The following BCKDHA variants were observed in gnomAD, a reference collection of about 807,000 sequenced individuals.
BCKDHA encodes branched chain keto acid dehydrogenase E1 subunit alpha, also known as 2-oxoisovalerate dehydrogenase subunit alpha, mitochondrial.
BCKDHA carries 43 observed loss-of-function variants against 52.2 expected under a neutral mutation model. That is an observed-to-expected ratio of 0.82 (90% CI 0.64 to 1.06). The LOEUF is 1.06. Among genes scored for constraint, BCKDHA ranks in the 50% least tolerant of loss-of-function variants. The pLI is 0.00. For missense variants in BCKDHA, 527 were observed against 621.3 expected (o/e 0.85, Z 1.61); for synonymous variants, 234 against 247.9 (o/e 0.94, Z 0.53).
At chr19:41,406,924 C>CA (rs2039199764) in intron 1 of BCKDHA, among the ~76,000 whole-genome samples, 2 of 152,104 alleles carry the variant, frequency 1.3e-5, no homozygotes, top group African/African-American at 4.8e-5. Context: ...AGGCTGGACT[C>CA]ACTATGTTGC....
chr19:41,420,193 T>C (rs166925), intron 5 of BCKDHA, among the ~76,000 whole-genome samples: 99,913 of 152,154 alleles, frequency 0.66, 33,866 homozygotes, highest in African/African-American at 0.82. Flanking sequence ...ACCACATGCC[T>C]ACTGCATTTG....
At position 41,423,083 on chromosome 19, in the gene BCKDHA, A is replaced by C. The variant is rs61736656; in HGVS notation, c.1081A>C (p.Ile361Leu). ...TTACTGGGATAAACAGGACCACCCC[A>C]TCTCCCGGCTGCGGCACTATCTGCT... Reference protein sequence around the residue: ...VNYWDKQDHPISRLRHYLLSQ... With the variant: ...VNYWDKQDHPLSRLRHYLLSQ... Residue 361 changes from isoleucine (I) to leucine (L), a missense_variant, in exon 8 of 9, where the codon ATC becomes CTC. Coordinates refer to ENST00000269980, the MANE Select transcript of BCKDHA (RefSeq NM_000709.4). 6.3e-7 allele frequency: 1 copy of C among 1,582,178 alleles called. No homozygotes were observed. Among genetic ancestry groups the C allele is most frequent in the South Asian group, 1.2e-5 (1 of 86,786 alleles).
intron 1 of BCKDHA, chr19:41,399,452 G>A (rs1240402982): frequency 6.6e-6 from 1 of 151,528 alleles, no homozygotes; most frequent in Non-Finnish European, 1.5e-5. Flanking sequence ...GCTAGGGAAA[G>A]GTCATTTATG....
intron 3 of BCKDHA, among the ~76,000 whole-genome samples, chr19:41,411,871 C>T (rs766992398): frequency 1.3e-5 from 2 of 152,168 alleles, no homozygotes; most frequent in Admixed American, 6.5e-5. Context: ...TACTCAGCAC[C>T]GCCCACTCAC....
At position 41,412,380 on chromosome 19, in the gene BCKDHA, C is replaced by CTTTTTTTTTTTTTTT. The variant is rs530972813; in HGVS notation, c.375+1375_375+1389dup. Among the ~76,000 whole-genome samples the CTTTTTTTTTTTTTTT allele has an allele frequency of 6.8e-4, 45 of 65,852 alleles. 4 individuals carry two copies. The highest frequency in any genetic ancestry group is 2.0e-3 in the African/African-American group (35 of 17,628). 43.2% of individuals were successfully genotyped at this position (65,852 alleles called of 152,430 possible). A position where few individuals can be genotyped will look rare whatever the true frequency, so the allele number is the denominator to read the frequency against. On this transcript the variant is annotated intron_variant, in intron 3 of 8. Coordinates refer to ENST00000269980, the MANE Select transcript of BCKDHA (RefSeq NM_000709.4). ...TCATTCCCTCTGTCTGTAGATATTTCTTTTTTTTTTTTTTTTTTACTTTTG... is the reference window on the plus strand; with the variant it reads ...TCATTCCCTCTGTCTGTAGATATTTCTTTTTTTTTTTTTTTTTTTTTTTTTTTTTTTTTACTTTTG...
At chr19:41,417,711 G>A (rs2039320102) in intron 4 of BCKDHA, among the ~76,000 whole-genome samples, 1 of 152,064 alleles carries the variant, frequency 6.6e-6, no homozygotes, top group Non-Finnish European at 1.5e-5. Flanking sequence ...GATCACCTGA[G>A]GTCGGGAGTT....
At chr19:41,409,578 A>G (rs2039229328) in intron 1 of BCKDHA, among the ~76,000 whole-genome samples, 1 of 152,048 alleles carries the variant, frequency 6.6e-6, no homozygotes, top group Non-Finnish European at 1.5e-5. Context: ...CGATAGGGAA[A>G]GAGACCTTCT....
At position 41,414,112 on chromosome 19, in the gene BCKDHA, G is replaced by T. The variant is rs753231061; in HGVS notation, c.439G>T (p.Ala147Ser). Residue 147 changes from alanine to serine, a missense_variant, in exon 4 of 9, where the codon GCC becomes TCC. Ala to Ser is a moderately conservative substitution (Grantham distance 99). Coordinates refer to ENST00000269980, the MANE Select transcript of BCKDHA (RefSeq NM_000709.4). Reference sequence around the variant, plus strand: ...GGGCACGCACGTGGGGAGTGCCGCCGCCCTGGACAACACGGACCTGGTGTT... The same window carrying T: ...GGGCACGCACGTGGGGAGTGCCGCCTCCCTGGACAACACGGACCTGGTGTT... ...EEGTHVGSAAALDNTDLVFGQ... is the reference protein window; with the variant it reads ...EEGTHVGSAASLDNTDLVFGQ... 2 of 1,613,702 alleles carry T rather than the reference G, an allele frequency of 1.2e-6. No individual in the cohort carries two copies. The highest frequency in any genetic ancestry group is 1.7e-6 in the Non-Finnish European group (2 of 1,180,028).
At chr19:41,423,451 T>C (rs1239761805) in intron 8 of BCKDHA, among the ~76,000 whole-genome samples, 1 of 152,190 alleles carries the variant, frequency 6.6e-6, no homozygotes, top group Non-Finnish European at 1.5e-5. Context: ...TCCCAGCACT[T>C]TGGGAGGCCG....
chr19:41,410,561 C>G, intron 1 of BCKDHA, 76 bp from the exon 2 acceptor site: 1 of 1,550,334 alleles, frequency 6.5e-7, no homozygotes, highest in Non-Finnish European at 8.8e-7. Context: ...TGCCGCCTGC[C>G]TGCCGCCGGG....
chr19:41,403,657 G>T (rs2039161120), intron 1 of BCKDHA, among the ~76,000 whole-genome samples: 1 of 152,160 alleles, frequency 6.6e-6, no homozygotes, highest in Non-Finnish European at 1.5e-5. Context: ...TCTGATGCTG[G>T]TGCTTCCTGG....
Position 41,410,832 on chromosome 19 carries a change from C to T in BCKDHA, c.288+16C>T, listed in dbSNP as rs1183795892. 6 of 1,613,984 alleles carry T rather than the reference C, an allele frequency of 3.7e-6. No individual in the cohort carries two copies. The Admixed American group carries it at 8.3e-5, about 22-fold the overall frequency. On this transcript the variant is annotated intron_variant, in intron 2 of 8. Coordinates refer to ENST00000269980, the MANE Select transcript of BCKDHA (RefSeq NM_000709.4). Reference sequence around the variant, plus strand: ...GGACCCCCACGTGAGAGGCGGCCTCCCCCACTTCCCGTGCCCCCCACGCCC... The same window carrying T: ...GGACCCCCACGTGAGAGGCGGCCTCTCCCACTTCCCGTGCCCCCCACGCCC...
Position 41,410,716 on chromosome 19 carries a change from A to G in BCKDHA, c.188A>G (p.Asp63Gly). Residue 63 changes from aspartate to glycine, a missense_variant, in exon 2 of 9, where the codon GAT becomes GGT. Transcript: ENST00000269980. The part of the protein sequence containing the change: ...QFPGASAEFI[D>G]KLEFIQPNVI... ...CCAGGGGCCTCGGCGGAGTTTATAG[A>G]TAAGTTGGAATTCATCCAGCCCAAC... is the stretch of plus-strand genomic sequence containing the variant. The G allele has an allele frequency of 3.1e-6, 5 of 1,614,082 alleles. No individual in the cohort carries two copies. Among genetic ancestry groups the G allele is most frequent in the Non-Finnish European group, 3.4e-6 (4 of 1,180,012 alleles).
Position 41,424,436 on chromosome 19 carries a change from A to G in BCKDHA, c.1168-2A>G, listed in dbSNP as rs1555767285. 3 of 1,613,998 alleles carry G rather than the reference A, an allele frequency of 1.9e-6. No homozygotes were observed. Among genetic ancestry groups the G allele is most frequent in the Non-Finnish European group, 2.5e-6 (3 of 1,180,028 alleles). The stretch of plus-strand genomic sequence containing the variant: ...CCTGCCCACTGCCCCATGTCCCCAC[A>G]GGTGATGGAGGCCTTTGAGCAGGCC... On this transcript the variant is annotated splice_acceptor_variant, in intron 8 of 8. Coordinates refer to ENST00000269980, the MANE Select transcript of BCKDHA (RefSeq NM_000709.4). LOFTEE classifies it high-confidence loss of function.
chr19:41,414,210 GT>G, intron 4 of BCKDHA, 53 bp downstream of exon 4: 1 of 1,516,918 alleles, frequency 6.6e-7, no homozygotes, highest in Non-Finnish European at 9.1e-7. Flanking sequence ...GTACACTTTA[GT>G]TTTTCTGAGT....
chr19:41,405,613 C>T (rs887439019), intron 1 of BCKDHA, among the ~76,000 whole-genome samples: 4 of 152,022 alleles, frequency 2.6e-5, no homozygotes, highest in African/African-American at 9.7e-5. Context: ...TTTGTAGAGA[C>T]GAGGTCTCAC....
Position 41,422,298 on chromosome 19 carries a change from ATCT to A in BCKDHA, c.788_790del (p.Phe263del), listed in dbSNP as rs398123505. 6.2e-6 allele frequency: 10 copies of A among 1,614,196 alleles called. No individual in the cohort carries two copies. In the African/African-American group the frequency reaches 6.7e-5, roughly 11 times the overall value. On this transcript the variant is annotated inframe_deletion, in exon 6 of 9. Coordinates refer to ENST00000269980, the MANE Select transcript of BCKDHA (RefSeq NM_000709.4). ...CGCTGCCACACTTGAGTGCCCCATC[ATCT>A]TCTTCTGCCGGAACAATGGCTACGC...
chr19:41,397,968 AG>A (rs762855654), intron 1 of BCKDHA, 33 bp downstream of exon 1: 42 of 1,573,254 alleles, frequency 2.7e-5, no homozygotes, highest in Non-Finnish European at 3.4e-5. Context: ...GTTTTCCCAA[AG>A]GGGATTAGGG....
rs373713279 is a variant in BCKDHA at position 41,422,278 on chromosome 19, C to A, written c.761C>A (p.Ala254Asp). The stretch of plus-strand genomic sequence containing the variant: ...GCCCATGCCGGCTTCAACTTCGCTG[C>A]CACACTTGAGTGCCCCATCATCTTC... Reference protein sequence around the residue: ...GDAHAGFNFAATLECPIIFFC... With the variant: ...GDAHAGFNFADTLECPIIFFC... The change falls in exon 6 of 9, where the codon GCC becomes GAC. Residue 254 changes from alanine (A) to aspartate (D), a missense_variant. Coordinates refer to ENST00000269980, the MANE Select transcript of BCKDHA (RefSeq NM_000709.4). 5.6e-6 allele frequency: 9 copies of A among 1,614,108 alleles called. No individual in the cohort carries two copies. Among genetic ancestry groups the A allele is most frequent in the Non-Finnish European group, 7.6e-6 (9 of 1,180,034 alleles).
Sources: allele counts gnomAD v4.1 joint callset (sites outside exome capture counted in the v4.1 genomes callset), GRCh38; gene constraint gnomAD v4.1.1; transcripts MANE v1.5; gene names NCBI Gene and HGNC (gene_info 2026-07-23, HGNC 2026-07-21).